The following PCDH7 variants were observed in gnomAD, a reference collection of about 807,000 sequenced individuals.
PCDH7 encodes protocadherin-7.
PCDH7 carries 17 observed loss-of-function variants against 58.9 expected under a neutral mutation model. That is an observed-to-expected ratio of 0.29 (90% CI 0.20 to 0.43). The LOEUF (loss-of-function observed/expected upper bound fraction) is 0.43. Ranked by LOEUF, PCDH7 falls within the 20% of genes least tolerant of loss-of-function variation. PCDH7 has a pLI of 1.00. For synonymous variants in PCDH7, 664 were observed against 616.4 expected (o/e 1.08, Z -1.14); for missense variants, 1,274 against 1,441.0 (o/e 0.88, Z 1.88).
At chr4:30,760,975 T>C (rs1719950323) in intron 1 of PCDH7, among the ~76,000 whole-genome samples, 1 of 152,156 alleles carries the variant, frequency 6.6e-6, no homozygotes, top group Non-Finnish European at 1.5e-5. Context: ...ACTTGAAAAA[T>C]GAGACGTCTG....
intron 3 of PCDH7, among the ~76,000 whole-genome samples, chr4:31,090,729 T>C (rs774775222): frequency 6.6e-6 from 1 of 152,092 alleles, no homozygotes; most frequent in Admixed American, 6.6e-5. Flanking sequence ...TGTTTTTTAA[T>C]CTTTGAAGTT....
At chr4:30,818,219 T>C (rs1293116979) in intron 1 of PCDH7, among the ~76,000 whole-genome samples, 2 of 152,156 alleles carry the variant, frequency 1.3e-5, no homozygotes, top group African/African-American at 4.8e-5. Context: ...TCTTCTTCCC[T>C]TCCCCTTAAC....
chr4:30,721,874 C>A lies in PCDH7; in HGVS notation c.452C>A (p.Thr151Lys). ...TTCCCGTCGCCCGTGCTCACGCTCA[C>A]GGTGGAGGAGAATCGGCCGGTGGGC... The change falls in exon 1 of 2, where the codon ACG (threonine) becomes AAG (lysine). Residue 151 changes from threonine (T) to lysine (K), a missense_variant. By Grantham distance (78) the Thr-to-Lys change is moderately conservative (BLOSUM62 -1). Around this residue, in one of 3 missense-constraint regions of PCDH7, gnomAD observed 212 missense variants for 255.8 expected, o/e 0.83. Transcript: ENST00000361762. This position sits in a 1 kb window ranked among gnomAD's most constrained non-coding sequence, Gnocchi z 6.7. 6.2e-7 allele frequency: 1 copy of A among 1,602,072 alleles called. No individual in the cohort carries two copies. Among genetic ancestry groups the A allele is most frequent in the Non-Finnish European group, 8.5e-7 (1 of 1,175,054 alleles).
At chr4:30,780,995 A>C (rs1005415833) in intron 1 of PCDH7, among the ~76,000 whole-genome samples, 1 of 152,184 alleles carries the variant, frequency 6.6e-6, no homozygotes, top group African/African-American at 2.4e-5. Flanking sequence ...AGAGCCAAGT[A>C]AGTAAAACTA....
At chr4:31,132,138 T>G (rs1578881243) in intron 3 of PCDH7, among the ~76,000 whole-genome samples, 1 of 152,192 alleles carries the variant, frequency 6.6e-6, no homozygotes, top group Non-Finnish European at 1.5e-5. Context: ...TTTAACATAT[T>G]TGTACTCATT....
At chr4:30,779,484 G>A (rs1484159187) in intron 1 of PCDH7, among the ~76,000 whole-genome samples, 1 of 152,052 alleles carries the variant, frequency 6.6e-6, no homozygotes, top group African/African-American at 2.4e-5. Context: ...CTTTCTAATG[G>A]TCAGAAAGCA....
chr4:30,997,139 C>T (rs1177801050), intron 3 of PCDH7, among the ~76,000 whole-genome samples: 1 of 151,450 alleles, frequency 6.6e-6, no homozygotes, highest in African/African-American at 2.4e-5. Context: ...ATTATTTCCA[C>T]ATAGGTGATC....
At chr4:30,863,886 A>G (rs181847370) in intron 1 of PCDH7, among the ~76,000 whole-genome samples, 6 of 152,288 alleles carry the variant, frequency 3.9e-5, no homozygotes, top group Non-Finnish European at 7.4e-5. Flanking sequence ...CCTGAAGCAT[A>G]CATCTGCTGT....
At chr4:31,122,743 T>C (rs2109325758) in intron 3 of PCDH7, among the ~76,000 whole-genome samples, 1 of 152,096 alleles carries the variant, frequency 6.6e-6, no homozygotes, top group East Asian at 1.9e-4. Context: ...TTTAAGTAAA[T>C]TGGGATTTAA....
chr4:31,015,207 C>T (rs1268665871), intron 3 of PCDH7, among the ~76,000 whole-genome samples: 1 of 152,156 alleles, frequency 6.6e-6, no homozygotes, highest in African/African-American at 2.4e-5. Context: ...ACTTCATGCC[C>T]TTGTCTTTTT....
At chr4:31,108,670 A>T (rs1265522232) in intron 3 of PCDH7, among the ~76,000 whole-genome samples, 1 of 152,178 alleles carries the variant, frequency 6.6e-6, no homozygotes, top group Admixed American at 6.5e-5. Flanking sequence ...TGTTTAGAAG[A>T]TGGCTGGTGT....
At chr4:30,840,773 C>A (rs939786030) in intron 1 of PCDH7, among the ~76,000 whole-genome samples, 2 of 151,988 alleles carry the variant, frequency 1.3e-5, no homozygotes, top group African/African-American at 4.8e-5. Flanking sequence ...CAGTGTAGAC[C>A]CAGCCATCTG....
At chr4:31,116,455 T>C (rs1278517719) in intron 3 of PCDH7, among the ~76,000 whole-genome samples, 2 of 152,210 alleles carry the variant, frequency 1.3e-5, no homozygotes, top group African/African-American at 4.8e-5. Context: ...ATATCACTTT[T>C]CCTGTGAGGG....
At chr4:31,107,616 G>A (rs1399088128) in intron 3 of PCDH7, among the ~76,000 whole-genome samples, 1 of 152,162 alleles carries the variant, frequency 6.6e-6, no homozygotes, top group Non-Finnish European at 1.5e-5. Flanking sequence ...CATCTGGGAT[G>A]AGAGTTTCTA....
Position 30,822,623 on chromosome 4 carries a change from A to G in PCDH7, c.71-97530A>G, listed in dbSNP as rs552279549. Among the ~76,000 whole-genome samples the G allele has an allele frequency of 3.3e-5, 5 of 151,356 alleles. No homozygotes were observed. The East Asian group carries it at 7.8e-4, about 24-fold the overall frequency. On this transcript the variant is annotated intron_variant, in intron 1 of 3. Transcript: ENST00000509759. ...CCACCTCTTTATATTAAAAATTTAT[A>G]TTTTTTTTTAGTTAGACATTTCAAA...
At chr4:30,849,559 T>C (rs1190533059) in intron 1 of PCDH7, among the ~76,000 whole-genome samples, 2 of 152,174 alleles carry the variant, frequency 1.3e-5, no homozygotes, top group African/African-American at 2.4e-5. Context: ...TTATTATGAA[T>C]GTGTAGCTTC....
intron 1 of PCDH7, among the ~76,000 whole-genome samples, chr4:30,819,970 A>G (rs1159289854): frequency 6.6e-6 from 1 of 152,170 alleles, no homozygotes; most frequent in Non-Finnish European, 1.5e-5. Context: ...TAAATATGTT[A>G]ATAGAGTCTT....
intron 3 of PCDH7, among the ~76,000 whole-genome samples, chr4:31,052,045 T>G (rs1241029090): frequency 6.6e-6 from 1 of 152,146 alleles, no homozygotes; most frequent in Non-Finnish European, 1.5e-5. Context: ...GTTAAGGTTA[T>G]AGCTGTATAT....
intron 1 of PCDH7, among the ~76,000 whole-genome samples, chr4:30,772,000 A>G (rs1560353160): frequency 2.0e-5 from 3 of 151,944 alleles, no homozygotes; most frequent in Non-Finnish European, 4.4e-5. Flanking sequence ...CCTCTTGAGT[A>G]GCTACAATCA....
Sources: allele counts gnomAD v4.1 joint callset (sites outside exome capture counted in the v4.1 genomes callset), GRCh38; gene constraint gnomAD v4.1.1; regional missense constraint gnomAD v4.1.1; non-coding constraint Gnocchi (gnomAD v3.1); transcripts MANE v1.5; gene names NCBI Gene and HGNC (gene_info 2026-07-23, HGNC 2026-07-21).